The following CASK variants were observed in gnomAD, a reference collection of about 807,000 sequenced individuals.
CASK encodes peripheral plasma membrane protein CASK.
A neutral mutation model predicts 82.9 loss-of-function variants in CASK; 4 were observed. The observed-to-expected ratio is 0.05, with a 90% CI of 0.02 to 0.11. The LOEUF (loss-of-function observed/expected upper bound fraction) is 0.11, where lower values mean the gene tolerates loss of function less well. CASK is among the 10% of genes least tolerant of loss of function. The pLI is 1.00. For missense variants in CASK, 358 were observed against 720.9 expected, an observed-to-expected ratio of 0.50 and a Z score of 5.76; for synonymous variants, 259 against 253.5, an observed-to-expected ratio of 1.02 and a Z score of -0.20.
At chrX:41,731,672 A>T (rs1215268156) in intron 5 of CASK, among the ~76,000 whole-genome samples, 1 of 111,877 alleles carries the variant, frequency 8.9e-6, no homozygotes, top group Non-Finnish European at 1.9e-5. Context: ...TACACCATAG[A>T]TGCTTTCCTA....
chrX:41,527,177 G>C (rs2064724887), intron 25 of CASK, among the ~76,000 whole-genome samples: 1 of 110,153 alleles, frequency 9.1e-6, no homozygotes, highest in African/African-American at 3.3e-5. Context: ...CTGGGATTCG[G>C]AGAGAGAGAC....
intron 1 of CASK, among the ~76,000 whole-genome samples, chrX:41,869,062 T>C (rs2071645786): frequency 8.9e-6 from 1 of 111,740 alleles, no homozygotes; most frequent in African/African-American, 3.3e-5. Flanking sequence ...AAATATCTTA[T>C]AAGGTACTTA....
chrX:41,888,443 G>A (rs751145973), intron 1 of CASK, among the ~76,000 whole-genome samples: 26 of 109,120 alleles, frequency 2.4e-4, no homozygotes, highest in African/African-American at 8.3e-4. Context: ...AGTCCCCAAA[G>A]TCCAATATAT....
At chrX:41,823,421 T>C (rs2070592596) in intron 2 of CASK, among the ~76,000 whole-genome samples, 1 of 110,550 alleles carries the variant, frequency 9.0e-6, no homozygotes, top group Admixed American at 9.6e-5. Context: ...TGCCTCCACA[T>C]GCCCCTGCAT....
chrX:41,919,261 C>T (rs1272554879), intron 1 of CASK: 1 of 111,757 alleles, frequency 8.9e-6, no homozygotes, highest in Non-Finnish European at 1.9e-5. Context: ...TAAGCAAATA[C>T]AGCATGCCTC....
intron 7 of CASK, among the ~76,000 whole-genome samples, chrX:41,662,101 A>G (rs1447327294): frequency 9.0e-6 from 1 of 111,645 alleles, no homozygotes; most frequent in Admixed American, 9.6e-5. Flanking sequence ...AGCTGAGAAG[A>G]GTAGCTAAAA....
intron 4 of CASK, chrX:41,743,794 A>G: frequency 3.4e-6 from 1 of 292,970 alleles, no homozygotes; most frequent in Non-Finnish European, 6.0e-6. Context: ...ACTGTTTTTC[A>G]AATGATAAAA....
At chrX:41,704,581 A>G (rs193107902) in intron 5 of CASK, among the ~76,000 whole-genome samples, 97 of 112,134 alleles carry the variant, frequency 8.7e-4, no homozygotes, top group African/African-American at 2.9e-3. Context: ...AAAAAGTGCT[A>G]GAAAAATGTT....
intron 8 of CASK, among the ~76,000 whole-genome samples, chrX:41,645,302 A>G (rs2147403596): frequency 8.9e-6 from 1 of 111,843 alleles, no homozygotes; most frequent in African/African-American, 3.2e-5. Flanking sequence ...TAATACTCTA[A>G]CTGCAGCCGA....
intron 1 of CASK, among the ~76,000 whole-genome samples, chrX:41,859,622 G>A (rs906711594): frequency 9.0e-6 from 1 of 111,697 alleles, no homozygotes; most frequent in Non-Finnish European, 1.9e-5. Flanking sequence ...ACCAAGCATA[G>A]TGCTGAAGGG....
At chrX:41,750,078 G>A (rs1018928589) in intron 3 of CASK, among the ~76,000 whole-genome samples, 13 of 110,128 alleles carry the variant, frequency 1.2e-4, no homozygotes, top group African/African-American at 4.0e-4. Context: ...TCTTTGAAGG[G>A]TTACTCTGAA....
chrX:41,780,538 C>G (rs1458822781), intron 3 of CASK, among the ~76,000 whole-genome samples: 1 of 112,211 alleles, frequency 8.9e-6, no homozygotes, highest in Non-Finnish European at 1.9e-5. Context: ...TTGAAATTTA[C>G]TAATCTAATC....
chrX:41,760,198 C>T (rs192431370), intron 3 of CASK, among the ~76,000 whole-genome samples: 3 of 112,492 alleles, frequency 2.7e-5, no homozygotes, highest in African/African-American at 9.7e-5. Flanking sequence ...AGGAACTTCA[C>T]TGTTAGTCCT....
At chrX:41,827,055 G>C (rs1178490266) in intron 2 of CASK, among the ~76,000 whole-genome samples, 1 of 111,938 alleles carries the variant, frequency 8.9e-6, no homozygotes, top group Non-Finnish European at 1.9e-5. Context: ...TTTACTTTAA[G>C]AGAAAGATCT....
At chrX:41,796,072 ATGAC>A (rs2069845058) in intron 2 of CASK, among the ~76,000 whole-genome samples, 1 of 111,768 alleles carries the variant, frequency 8.9e-6, no homozygotes, top group African/African-American at 3.3e-5. Flanking sequence ...GCAAACCAAG[ATGAC>A]TGGTCACCCT....
intron 1 of CASK, among the ~76,000 whole-genome samples, chrX:41,908,344 C>CG (rs1315880092): frequency 8.9e-6 from 1 of 112,136 alleles, no homozygotes; most frequent in Non-Finnish European, 1.9e-5. Flanking sequence ...CCACTGCACT[C>CG]CAGCCTGGGC....
chrX:41,911,690 CAATT>C (rs1410761709), intron 1 of CASK, among the ~76,000 whole-genome samples: 6 of 111,556 alleles, frequency 5.4e-5, no homozygotes, highest in South Asian at 3.7e-4. Context: ...ACATTATGAA[CAATT>C]AATTAATCTG....
chrX:41,802,574 C>G (rs1388363049), intron 2 of CASK, among the ~76,000 whole-genome samples: 1 of 112,061 alleles, frequency 8.9e-6, no homozygotes. Context: ...AGTATAACGA[C>G]TTTTAAAAAG....
At chrX:41,819,229 A>G (rs1378331103) in intron 2 of CASK, among the ~76,000 whole-genome samples, 1 of 111,650 alleles carries the variant, frequency 9.0e-6, no homozygotes, top group Non-Finnish European at 1.9e-5. Context: ...TTAATGATCA[A>G]GGAAAATGAG....
Sources: allele counts gnomAD v4.1 joint callset (sites outside exome capture counted in the v4.1 genomes callset), GRCh38; gene constraint gnomAD v4.1.1; transcripts MANE v1.5; gene names NCBI Gene and HGNC (gene_info 2026-07-23, HGNC 2026-07-21).